Variants in HDAC9 observed in about 807,000 individuals in gnomAD.
The protein encoded by HDAC9 is histone deacetylase 9, also known as MEF-2 interacting transcription repressor (MITR) protein.
Under a neutral mutation model 139.4 loss-of-function variants are expected in HDAC9, and 41 were observed. That is an observed-to-expected ratio of 0.29 (90% CI 0.23 to 0.38). The LOEUF is 0.38. Among genes scored for constraint, HDAC9 ranks in the 10% least tolerant of loss-of-function variants. The pLI, the probability that HDAC9 is intolerant of heterozygous loss-of-function variation, is 1.00. For missense variants in HDAC9, 1,147 were observed against 1,297.0 expected (o/e 0.88, Z 1.78); for synonymous variants, 517 against 476.2 (o/e 1.09, Z -1.12).
chr7:18,471,343 A>G (rs1473627567), intron 1 of HDAC9, among the ~76,000 whole-genome samples: 1 of 152,206 alleles, frequency 6.6e-6, no homozygotes, highest in East Asian at 1.9e-4. Flanking sequence ...ATCAAGTCCT[A>G]GCCATAGCCT....
chr7:18,169,200 G>C (rs914950529), intron 2 of HDAC9, among the ~76,000 whole-genome samples: 1 of 152,022 alleles, frequency 6.6e-6, no homozygotes, highest in Non-Finnish European at 1.5e-5. Context: ...GCCTCCCAAA[G>C]TGCTGGGATT....
At chr7:18,315,665 C>A (rs1181399382) in intron 1 of HDAC9, among the ~76,000 whole-genome samples, 1 of 152,188 alleles carries the variant, frequency 6.6e-6, no homozygotes, top group Non-Finnish European at 1.5e-5. Flanking sequence ...TTAAATTCAT[C>A]CCCCTTTGGT....
intron 1 of HDAC9, among the ~76,000 whole-genome samples, chr7:18,150,091 T>A (rs1324952107): frequency 6.6e-6 from 1 of 151,674 alleles, no homozygotes; most frequent in Non-Finnish European, 1.5e-5. Context: ...TTTTTTTTTT[T>A]TAAGTGCACA....
At chr7:18,271,945 A>G (rs1178004243) in intron 2 of HDAC9, among the ~76,000 whole-genome samples, 1 of 152,222 alleles carries the variant, frequency 6.6e-6, no homozygotes, top group East Asian at 1.9e-4. Context: ...ATCTGTTCCA[A>G]CATCTTTGAG....
At chr7:18,797,296 GC>G (rs993048829) in intron 17 of HDAC9, among the ~76,000 whole-genome samples, 3 of 151,868 alleles carry the variant, frequency 2.0e-5, no homozygotes, top group African/African-American at 7.3e-5. Context: ...TAAAAAAGGG[GC>G]TAAAACTATC....
At chr7:18,941,258 G>C (rs2717358) in intron 23 of HDAC9, among the ~76,000 whole-genome samples, 111,811 of 151,250 alleles carry the variant, frequency 0.74, 41,306 homozygotes, top group South Asian at 0.82. Context: ...CCTCTCTCCA[G>C]TTTCTTTTTA....
intron 2 of HDAC9, chr7:18,518,083 CTTATT>C (rs1472862059): frequency 6.6e-6 from 1 of 152,096 alleles, no homozygotes; most frequent in South Asian, 2.1e-4. Flanking sequence ...CAAATAATCA[CTTATT>C]TTATTTGTTT....
intron 1 of HDAC9, among the ~76,000 whole-genome samples, chr7:18,469,746 T>C (rs1456526108): frequency 6.6e-6 from 1 of 152,180 alleles, no homozygotes; most frequent in Non-Finnish European, 1.5e-5. Context: ...ATGAGTGAGT[T>C]ACAATTCCTT....
intron 21 of HDAC9, among the ~76,000 whole-genome samples, chr7:18,846,756 G>A (rs1460726262): frequency 6.6e-6 from 1 of 152,110 alleles, no homozygotes; most frequent in East Asian, 1.9e-4. Context: ...AGAGGCAGGG[G>A]GGCAACGGTG....
chr7:18,244,994 C>CCTCTATATCTATCTATCT (rs71553924), intron 2 of HDAC9, among the ~76,000 whole-genome samples: 1 of 147,960 alleles, frequency 6.8e-6, no homozygotes, highest in Non-Finnish European at 1.5e-5. Context: ...ATCTAATCTG[C>CCTCTATATCTATCTATCT]ATCTATCTAT....
intron 1 of HDAC9, among the ~76,000 whole-genome samples, chr7:18,138,958 A>G (rs1226879892): frequency 6.6e-6 from 1 of 152,150 alleles, no homozygotes; most frequent in African/African-American, 2.4e-5. Context: ...GTTTATGCTT[A>G]CTAGCAGTTC....
At chr7:18,290,856 G>A (rs1371117179) in intron 1 of HDAC9, among the ~76,000 whole-genome samples, 1 of 152,104 alleles carries the variant, frequency 6.6e-6, no homozygotes, top group Non-Finnish European at 1.5e-5. Flanking sequence ...TGTCAGCAGG[G>A]GCATTATCTA....
intron 25 of HDAC9, among the ~76,000 whole-genome samples, chr7:18,985,123 G>A (rs1785232074): frequency 6.6e-6 from 1 of 151,874 alleles, no homozygotes; most frequent in Admixed American, 6.6e-5. Context: ...TGCACAATGT[G>A]CAGGTTAGTT....
At chr7:18,704,550 C>T (rs970290271) in intron 12 of HDAC9, among the ~76,000 whole-genome samples, 2 of 152,186 alleles carry the variant, frequency 1.3e-5, no homozygotes, top group African/African-American at 4.8e-5. Flanking sequence ...AATGGACATT[C>T]TCAAATGGCA....
At chr7:18,598,639 C>G (rs1317961018) in intron 6 of HDAC9, among the ~76,000 whole-genome samples, 1 of 152,200 alleles carries the variant, frequency 6.6e-6, no homozygotes, top group Non-Finnish European at 1.5e-5. Context: ...AGTGCTTACT[C>G]TTGACTGTAT....
chr7:18,749,143 T>G lies in HDAC9; in HGVS notation c.2043+5T>G. On this transcript the variant is annotated splice_donor_5th_base_variant and intron_variant, in intron 14 of 25. Transcript: ENST00000686413. ...GGGCTGCTAAATAAATGTGAGGTAA[T>G]CCAGAATTGGACACACTCTTTTACT... 1.2e-6 allele frequency: 2 copies of G among 1,613,318 alleles called. No homozygotes were observed. The highest frequency in any genetic ancestry group is 1.7e-6 in the Non-Finnish European group (2 of 1,179,604).
intron 1 of HDAC9, among the ~76,000 whole-genome samples, chr7:18,139,121 C>CTTT (rs552350047): frequency 8.7e-4 from 92 of 105,900 alleles, no homozygotes; most frequent in Non-Finnish European, 1.3e-3. Context: ...ATAATCTGGA[C>CTTT]TTTTTTTTTT....
Position 18,935,850 on chromosome 7 carries a change from G to A in HDAC9, c.2845G>A (p.Gly949Arg). Residue 949 changes from glycine to arginine, a missense_variant, in exon 23 of 26, where the codon GGA (glycine) becomes AGA (arginine). Coordinates refer to ENST00000686413, the MANE Select transcript of HDAC9 (RefSeq NM_178425.4). Reference sequence around the variant, plus strand: ...GAAGCAATTGATGACATTGGCTGATGGACGTGTGGTGTTGGCTCTAGAAGG... The same window carrying A: ...GAAGCAATTGATGACATTGGCTGATAGACGTGTGGTGTTGGCTCTAGAAGG... Reference protein sequence around the residue: ...LTKQLMTLADGRVVLALEGGH... With the variant: ...LTKQLMTLADRRVVLALEGGH... The A allele has an allele frequency of 6.2e-7, 1 of 1,613,734 alleles. No individual in the cohort carries two copies. Among genetic ancestry groups the A allele is most frequent in the Non-Finnish European group, 8.5e-7 (1 of 1,179,692 alleles).
intron 17 of HDAC9, among the ~76,000 whole-genome samples, chr7:18,822,220 C>G (rs1173300799): frequency 1.3e-5 from 2 of 152,174 alleles, no homozygotes; most frequent in Non-Finnish European, 2.9e-5. Flanking sequence ...ATTGTTGGTT[C>G]CTCTGGAAAG....
Sources: allele counts gnomAD v4.1 joint callset (sites outside exome capture counted in the v4.1 genomes callset), GRCh38; gene constraint gnomAD v4.1.1; transcripts MANE v1.5; gene names NCBI Gene and HGNC (gene_info 2026-07-23, HGNC 2026-07-21).